Variants in PDE4D observed in about 807,000 individuals in gnomAD.
PDE4D encodes phosphodiesterase 4D.
PDE4D carries 24 observed loss-of-function variants against 87.4 expected under a neutral mutation model. That is an observed-to-expected ratio of 0.27 (90% CI 0.20 to 0.39). The LOEUF (loss-of-function observed/expected upper bound fraction) is 0.39, where lower values mean the gene tolerates loss of function less well. Ranked by LOEUF, PDE4D falls within the 10% of genes least tolerant of loss-of-function variation. The probability of loss-of-function intolerance (pLI) is 1.00; values close to 1 mark genes in which losing one functional copy is unlikely to be tolerated. For missense variants in PDE4D, 714 were observed against 1,041.0 expected (o/e 0.69, Z 4.32); for synonymous variants, 384 against 383.2 (o/e 1.00, Z -0.02).
intron 1 of PDE4D, among the ~76,000 whole-genome samples, chr5:59,389,148 A>C (rs1034075970): frequency 7.9e-5 from 12 of 152,044 alleles, no homozygotes; most frequent in Admixed American, 2.6e-4. Context: ...CAAATTTTCA[A>C]AGCACCCTGA....
Position 59,215,934 on chromosome 5 carries a change from T to C in PDE4D, c.490A>G (p.Ser164Gly), listed in dbSNP as rs1363477204. 6.2e-7 allele frequency: 1 copy of C among 1,613,086 alleles called. No homozygotes were observed. The highest frequency in any genetic ancestry group is 1.3e-5 in the African/African-American group (1 of 74,876). The change falls in exon 2 of 15, where the codon AGT (serine) becomes GGT (glycine). Residue 164 changes from serine to glycine, a missense_variant. Ser to Gly is a moderately conservative substitution (Grantham distance 56, BLOSUM62 0). This residue lies in a region of PDE4D where 268 missense variants were observed against 272.9 expected (regional missense o/e 0.98). Coordinates refer to ENST00000340635, the MANE Select transcript of PDE4D (RefSeq NM_001104631.2). ...GGGCTGGTCATGGGATCCAAGGGAC[T>C]CCGTCCCGCAGATGTGCCATTGTCC... The part of the protein sequence containing the change: ...DVDNGTSAGR[S>G]PLDPMTSPGS...
At chr5:60,120,768 G>A (rs952506398) in intron 2 of PDE4D, among the ~76,000 whole-genome samples, 6 of 152,084 alleles carry the variant, frequency 3.9e-5, no homozygotes, top group Non-Finnish European at 7.4e-5. Flanking sequence ...CTGCAGCAAC[G>A]GTTGGGTTGC....
intron 1 of PDE4D, among the ~76,000 whole-genome samples, chr5:59,421,557 C>T (rs545829341): frequency 6.6e-6 from 1 of 152,166 alleles, no homozygotes; most frequent in East Asian, 1.9e-4. Context: ...AAGGTGACTC[C>T]TGTGTTTCTA....
chr5:59,243,762 T>C (rs1026979357), intron 1 of PDE4D, among the ~76,000 whole-genome samples: 6 of 152,168 alleles, frequency 3.9e-5, no homozygotes, highest in Admixed American at 2.6e-4. Flanking sequence ...AACTGTTTTT[T>C]TATATGTAGG....
rs561288485 is a variant in PDE4D at position 60,077,882 on chromosome 5, T to TC, written c.43-89166dup. 7.6e-4 allele frequency among the ~76,000 whole-genome samples: 115 copies of TC among 152,186 alleles called. 1 individual carries two copies. In the South Asian group the frequency reaches 0.023, roughly 30 times the overall value. ...CTCCTGGCCTGTTCAATTCACCCCA[T>TC]CCCCAGGAGTTCTTGGGGACCAGGA... is the stretch of plus-strand genomic sequence containing the variant. On this transcript the variant is annotated intron_variant, in intron 2 of 16. Transcript: ENST00000502484.
intron 1 of PDE4D, 93 bp from the exon 2 acceptor site, chr5:59,216,061 G>A: frequency 1.3e-6 from 1 of 771,516 alleles, no homozygotes; most frequent in South Asian, 1.9e-5. Flanking sequence ...AACTGACAGT[G>A]GAATTAGCAG....
chr5:59,331,288 G>C (rs999228695), intron 1 of PDE4D, among the ~76,000 whole-genome samples: 1 of 152,162 alleles, frequency 6.6e-6, no homozygotes, highest in African/African-American at 2.4e-5. Context: ...CCAGAGGACT[G>C]AGGTCAAGAT....
At chr5:59,766,773 A>G (rs1417661425) in intron 1 of PDE4D, among the ~76,000 whole-genome samples, 1 of 152,102 alleles carries the variant, frequency 6.6e-6, no homozygotes, top group African/African-American at 2.4e-5. Flanking sequence ...TCTTTTATTC[A>G]CTGTTTGTTG....
intron 1 of PDE4D, among the ~76,000 whole-genome samples, chr5:59,631,600 G>C (rs1447344834): frequency 1.3e-5 from 2 of 152,116 alleles, no homozygotes; most frequent in Admixed American, 1.3e-4. Flanking sequence ...CAGAGGGCAA[G>C]CAGAAGCAGG....
At chr5:59,885,014 A>T (rs1749949040) in intron 1 of PDE4D, among the ~76,000 whole-genome samples, 1 of 151,974 alleles carries the variant, frequency 6.6e-6, no homozygotes, top group East Asian at 1.9e-4. Context: ...TCTTTATTAT[A>T]GTATGAATGA....
chr5:59,237,781 A>AGG (rs200722248), intron 1 of PDE4D, among the ~76,000 whole-genome samples: 1 of 43,468 alleles, frequency 2.3e-5, no homozygotes, highest in African/African-American at 1.5e-4. Flanking sequence ...GCCCTCATAT[A>AGG]GGTGTGTGTG....
At chr5:60,387,873 C>T (rs1211155563) in intron 1 of PDE4D, among the ~76,000 whole-genome samples, 2 of 152,152 alleles carry the variant, frequency 1.3e-5, no homozygotes, top group East Asian at 3.8e-4. Context: ...GTTGAGGGCT[C>T]AGTCCCAAAG....
At chr5:59,483,717 A>G (rs1804641301) in intron 1 of PDE4D, among the ~76,000 whole-genome samples, 2 of 152,138 alleles carry the variant, frequency 1.3e-5, no homozygotes, top group South Asian at 4.1e-4. Flanking sequence ...CCACATACAA[A>G]GACAGCACAA....
chr5:59,032,338 G>A (rs891982463), intron 6 of PDE4D, among the ~76,000 whole-genome samples: 1 of 152,140 alleles, frequency 6.6e-6, no homozygotes, highest in Non-Finnish European at 1.5e-5. Context: ...TCCCAGCACT[G>A]TGGGAGGCCG....
At chr5:59,427,209 G>A (rs1795387131) in intron 1 of PDE4D, among the ~76,000 whole-genome samples, 1 of 147,944 alleles carries the variant, frequency 6.8e-6, no homozygotes. Flanking sequence ...ACAAGGAAAG[G>A]GAATTTAATT....
At chr5:59,737,161 C>CT (rs1382040326) in intron 1 of PDE4D, among the ~76,000 whole-genome samples, 1 of 152,070 alleles carries the variant, frequency 6.6e-6, no homozygotes, top group African/African-American at 2.4e-5. Context: ...GCACTATTGT[C>CT]TAATTGAGTA....
In PDE4D at chr5:60,509,512, G is replaced by A. The variant is rs564692316; in HGVS notation, n.70+12539C>T. On this transcript the variant is annotated intron_variant and non_coding_transcript_variant, in intron 1 of 2. Coordinates refer to the PDE4D transcript ENST00000506510. ...TGATAATGAAGATTGACCATACATT[G>A]ATTTTCTCTCCATTCAACTATTATT... 3.3e-5 allele frequency among the ~76,000 whole-genome samples: 5 copies of A among 152,294 alleles called. No individual in the cohort carries two copies. The East Asian group carries it at 9.7e-4, about 29-fold the overall frequency.
At chr5:59,644,888 A>G (rs1023647458) in intron 1 of PDE4D, among the ~76,000 whole-genome samples, 2 of 152,198 alleles carry the variant, frequency 1.3e-5, no homozygotes, top group Non-Finnish European at 2.9e-5. Context: ...AATATTTCAC[A>G]TGAAAGGGAT....
intron 1 of PDE4D, chr5:60,460,756 A>G: frequency 1.6e-6 from 1 of 637,392 alleles, no homozygotes. Flanking sequence ...AGGGAAGTCC[A>G]AGAACCAGAC....
Sources: allele counts gnomAD v4.1 joint callset (sites outside exome capture counted in the v4.1 genomes callset), GRCh38; gene constraint gnomAD v4.1.1; regional missense constraint gnomAD v4.1.1; transcripts MANE v1.5; gene names NCBI Gene and HGNC (gene_info 2026-07-23, HGNC 2026-07-21).